RIT2: variants seen among roughly 807,000 people sequenced by gnomAD.
RIT2 encodes Ras like without CAAX 2.
RIT2 carries 24 observed loss-of-function variants against 23.7 expected under a neutral mutation model. The observed-to-expected ratio is 1.01, with a 90% CI of 0.73 to 1.43. RIT2 has a LOEUF of 1.43. Among genes scored for constraint, RIT2 ranks in the 40% most tolerant of loss-of-function variants. The pLI, the probability that RIT2 is intolerant of heterozygous loss-of-function variation, is 0.00. For missense variants in RIT2, 236 were observed against 266.9 expected, an observed-to-expected ratio of 0.88 and a Z score of 0.81; for synonymous variants, 107 against 91.1, an observed-to-expected ratio of 1.17 and a Z score of -0.99.
chr18:42,969,708 A>ATT (rs142608615), intron 3 of RIT2, among the ~76,000 whole-genome samples: 2 of 151,972 alleles, frequency 1.3e-5, no homozygotes, highest in Admixed American at 6.6e-5. Flanking sequence ...TGCAGAATTA[A>ATT]TTTTTTTGCT....
intron 4 of RIT2, among the ~76,000 whole-genome samples, chr18:42,903,521 C>G (rs999317490): frequency 6.6e-6 from 1 of 151,956 alleles, no homozygotes; most frequent in Non-Finnish European, 1.5e-5. Flanking sequence ...AAAAATAAAA[C>G]TTGACACAAT....
intron 2 of RIT2, among the ~76,000 whole-genome samples, chr18:43,009,628 T>C (rs756868164): frequency 1.3e-5 from 2 of 151,664 alleles, no homozygotes; most frequent in Non-Finnish European, 3.0e-5. Flanking sequence ...TTAAAGACAA[T>C]TTCAGAAATG....
chr18:43,012,756 A>G (rs1400785778), intron 2 of RIT2, among the ~76,000 whole-genome samples: 1 of 151,552 alleles, frequency 6.6e-6, no homozygotes, highest in Non-Finnish European at 1.5e-5. Flanking sequence ...TTGCACATAT[A>G]TTATCTAAAT....
At chr18:42,844,290 G>C (rs1906848261) in intron 4 of RIT2, among the ~76,000 whole-genome samples, 1 of 151,902 alleles carries the variant, frequency 6.6e-6, no homozygotes. Flanking sequence ...TTGTCACATG[G>C]GGCAGCTGCC....
chr18:42,842,291 G>A (rs1198787433), intron 4 of RIT2, among the ~76,000 whole-genome samples: 1 of 146,040 alleles, frequency 6.8e-6, no homozygotes, highest in African/African-American at 2.8e-5. Flanking sequence ...TTATCAAAGT[G>A]TCTGGGAAAT....
intron 3 of RIT2, among the ~76,000 whole-genome samples, chr18:42,936,961 G>A (rs533796664): frequency 5.3e-5 from 8 of 150,960 alleles, no homozygotes; most frequent in Non-Finnish European, 1.0e-4. Context: ...GCAGTGAGCC[G>A]AGATCATGCC....
intron 1 of RIT2, among the ~76,000 whole-genome samples, chr18:43,067,196 A>G (rs1279785811): frequency 6.6e-6 from 1 of 152,176 alleles, no homozygotes; most frequent in Non-Finnish European, 1.5e-5. Flanking sequence ...GACACCACAC[A>G]CACACATAAG....
At chr18:42,872,651 C>T (rs148785849) in intron 4 of RIT2, among the ~76,000 whole-genome samples, 132 of 152,302 alleles carry the variant, frequency 8.7e-4, no homozygotes, top group African/African-American at 3.0e-3. Flanking sequence ...TATCCATACC[C>T]TAACAACATA....
At chr18:42,784,879 C>A (rs1377567086) in intron 4 of RIT2, among the ~76,000 whole-genome samples, 1 of 152,008 alleles carries the variant, frequency 6.6e-6, no homozygotes, top group Non-Finnish European at 1.5e-5. Context: ...TCTGTCATTT[C>A]CTTGCTATGT....
At chr18:42,829,231 A>AAT (rs1568006919) in intron 4 of RIT2, among the ~76,000 whole-genome samples, 1 of 152,108 alleles carries the variant, frequency 6.6e-6, no homozygotes, top group Non-Finnish European at 1.5e-5. Context: ...TCTGATGCCT[A>AAT]ATATATATAT....
At chr18:43,060,845 G>C (rs1281021898) in intron 1 of RIT2, among the ~76,000 whole-genome samples, 1 of 152,046 alleles carries the variant, frequency 6.6e-6, no homozygotes. Context: ...GTAAAATCAG[G>C]TATTTTAGAT....
intron 4 of RIT2, among the ~76,000 whole-genome samples, chr18:42,766,646 G>A (rs2143908467): frequency 6.6e-6 from 1 of 152,328 alleles, no homozygotes; most frequent in Middle Eastern, 3.4e-3. Flanking sequence ...TAAGTAGGAA[G>A]GACCCTAATG....
intron 1 of RIT2, among the ~76,000 whole-genome samples, chr18:43,050,121 A>G (rs928204397): frequency 2.0e-5 from 3 of 150,786 alleles, no homozygotes; most frequent in African/African-American, 4.9e-5. Context: ...TGAATTCCCT[A>G]AGTTAAGTGA....
intron 2 of RIT2, among the ~76,000 whole-genome samples, chr18:42,985,610 G>A (rs895231438): frequency 1.3e-5 from 2 of 152,010 alleles, no homozygotes; most frequent in Non-Finnish European, 2.9e-5. Context: ...ATTACAGTTG[G>A]CATTTCTGAG....
At chr18:42,815,777 C>T (rs567315545) in intron 4 of RIT2, among the ~76,000 whole-genome samples, 6 of 152,064 alleles carry the variant, frequency 3.9e-5, no homozygotes, top group East Asian at 1.9e-4. Context: ...CCAGGGTATC[C>T]GAGGCAATCA....
chr18:42,752,621 T>C (rs958150339), intron 4 of RIT2, among the ~76,000 whole-genome samples: 1 of 152,196 alleles, frequency 6.6e-6, no homozygotes, highest in Non-Finnish European at 1.5e-5. Context: ...ATTCTGTACA[T>C]ATTTAGTTGA....
At chr18:42,807,319 A>G (rs1239690634) in intron 4 of RIT2, among the ~76,000 whole-genome samples, 3 of 152,170 alleles carry the variant, frequency 2.0e-5, no homozygotes, top group South Asian at 2.1e-4. Flanking sequence ...CACTTCTGAT[A>G]TTTTAAAATA....
chr18:43,087,768 A>G (rs551081116), intron 1 of RIT2, among the ~76,000 whole-genome samples: 21 of 151,976 alleles, frequency 1.4e-4, no homozygotes, highest in African/African-American at 4.1e-4. Flanking sequence ...TTTTTCAACC[A>G]TTCCTGTATT....
intron 4 of RIT2, among the ~76,000 whole-genome samples, chr18:42,826,592 A>G (rs1399603285): frequency 6.6e-6 from 1 of 152,110 alleles, no homozygotes; most frequent in Non-Finnish European, 1.5e-5. Flanking sequence ...AATGTATCAA[A>G]ATCCTACCAT....
Sources: gnomAD v4.1 joint callset for allele counts (sites outside exome capture counted in the v4.1 genomes callset) on GRCh38, gnomAD v4.1.1 for gene constraint, MANE v1.5 for transcripts, NCBI Gene and HGNC (gene_info 2026-07-23, HGNC 2026-07-21) for gene names.